Variants in SLC4A4 observed in about 807,000 individuals in gnomAD.
SLC4A4 encodes solute carrier family 4 member 4, also known as electrogenic sodium bicarbonate cotransporter 1.
A neutral mutation model predicts 111.5 loss-of-function variants in SLC4A4; 27 were observed. The observed-to-expected ratio is 0.24, with a 90% CI of 0.18 to 0.33. The LOEUF (loss-of-function observed/expected upper bound fraction) is 0.33, where lower values mean the gene tolerates loss of function less well. SLC4A4 is among the 10% of genes least tolerant of loss of function. The pLI is 1.00. For synonymous variants in SLC4A4, 443 were observed against 463.4 expected, an observed-to-expected ratio of 0.96 and a Z score of 0.57; for missense variants, 909 against 1,315.5, an observed-to-expected ratio of 0.69 and a Z score of 4.78.
chr4:71,469,339 T>G (rs1184051489), intron 13 of SLC4A4, among the ~76,000 whole-genome samples: 2 of 152,120 alleles, frequency 1.3e-5, no homozygotes, highest in East Asian at 1.9e-4. Context: ...AGCCTTCAAA[T>G]TTTTAATTCG....
intron 3 of SLC4A4, among the ~76,000 whole-genome samples, chr4:71,257,739 T>C (rs147718471): frequency 1.3e-5 from 2 of 152,170 alleles, no homozygotes; most frequent in Admixed American, 1.3e-4. Flanking sequence ...ATAGACAAGG[T>C]TCCCACATGT....
At chr4:71,084,208 A>G (rs1742080017) in intron 1 of SLC4A4, among the ~76,000 whole-genome samples, 1 of 152,040 alleles carries the variant, frequency 6.6e-6, no homozygotes, top group Non-Finnish European at 1.5e-5. Context: ...AACATCTTCT[A>G]AGAGCATTAT....
intron 2 of SLC4A4, among the ~76,000 whole-genome samples, chr4:71,175,707 C>T (rs1745070939): frequency 6.6e-6 from 1 of 152,226 alleles, no homozygotes; most frequent in South Asian, 2.1e-4. Context: ...GAGCCCACTG[C>T]AGCTCAAGGA....
intron 3 of SLC4A4, chr4:71,300,510 T>C (rs572310314): frequency 1.5e-4 from 38 of 249,488 alleles, no homozygotes; most frequent in Non-Finnish European, 2.0e-4. Context: ...CCAGGAGGCC[T>C]GGGCCGGGGC....
intron 15 of SLC4A4, among the ~76,000 whole-genome samples, chr4:71,491,753 A>G (rs143160749): frequency 2.2e-3 from 333 of 151,778 alleles, no homozygotes; most frequent in Non-Finnish European, 3.5e-3. Context: ...TTAATATTAG[A>G]AATGTTTTGA....
At chr4:71,175,592 G>A (rs4353869) in intron 2 of SLC4A4, among the ~76,000 whole-genome samples, 95,604 of 152,188 alleles carry the variant, frequency 0.63, 35,619 homozygotes, top group Non-Finnish European at 0.82. Flanking sequence ...TAGCACAGCA[G>A]TCTGAGATCA....
chr4:71,209,833 CTA>C (rs1485017659), intron 1 of SLC4A4, among the ~76,000 whole-genome samples: 2 of 152,086 alleles, frequency 1.3e-5, no homozygotes, highest in African/African-American at 2.4e-5. Flanking sequence ...TTTGGATTAA[CTA>C]TTATTTACAG....
At chr4:71,377,988 G>A (rs145453079) in intron 6 of SLC4A4, among the ~76,000 whole-genome samples, 88 of 152,206 alleles carry the variant, frequency 5.8e-4, no homozygotes, top group African/African-American at 2.0e-3. Context: ...TGAGGAATAA[G>A]CAAAAGCAGA....
chr4:71,132,495 C>T (rs1184841134), intron 2 of SLC4A4, among the ~76,000 whole-genome samples: 2 of 152,158 alleles, frequency 1.3e-5, no homozygotes, highest in Admixed American at 1.3e-4. Flanking sequence ...TGGATACTAC[C>T]TCCTGGACAA....
At chr4:71,562,191 C>T (rs1161115197) in intron 23 of SLC4A4, among the ~76,000 whole-genome samples, 7 of 151,770 alleles carry the variant, frequency 4.6e-5, no homozygotes, top group Non-Finnish European at 8.8e-5. Context: ...TTTTTTACCT[C>T]TTCCTCTTCA....
chr4:71,280,161 G>A (rs1456539194), intron 3 of SLC4A4, among the ~76,000 whole-genome samples: 1 of 152,178 alleles, frequency 6.6e-6, no homozygotes, highest in African/African-American at 2.4e-5. Flanking sequence ...GCATTTCCCT[G>A]ATGTTTAGTG....
intron 1 of SLC4A4, among the ~76,000 whole-genome samples, chr4:71,082,994 C>G (rs180770192): frequency 2.6e-5 from 4 of 152,008 alleles, no homozygotes; most frequent in African/African-American, 9.7e-5. Context: ...GCTGGGATTA[C>G]AGGCGCATGC....
intron 3 of SLC4A4, among the ~76,000 whole-genome samples, chr4:71,318,215 C>T (rs1258413801): frequency 6.6e-6 from 1 of 151,998 alleles, no homozygotes; most frequent in Non-Finnish European, 1.5e-5. Context: ...TTATTGTTCT[C>T]AAAGTCTTTG....
chr4:71,321,012 T>C (rs111779790), intron 3 of SLC4A4, among the ~76,000 whole-genome samples: 16 of 152,054 alleles, frequency 1.1e-4, no homozygotes, highest in African/African-American at 3.9e-4. Flanking sequence ...AGAAATGTTG[T>C]AGAGATAGAA....
At chr4:71,361,549 A>G (rs1730791294) in intron 6 of SLC4A4, among the ~76,000 whole-genome samples, 1 of 152,202 alleles carries the variant, frequency 6.6e-6, no homozygotes, top group Non-Finnish European at 1.5e-5. Flanking sequence ...AGGCATTTCT[A>G]TAATGTTGCA....
intron 2 of SLC4A4, among the ~76,000 whole-genome samples, chr4:71,102,565 T>G (rs1043161035): frequency 6.6e-6 from 1 of 152,136 alleles, no homozygotes; most frequent in Non-Finnish European, 1.5e-5. Context: ...GACTAACAGC[T>G]GATCTCTTGG....
At chr4:71,265,051 A>C (rs1190041405) in intron 3 of SLC4A4, among the ~76,000 whole-genome samples, 2 of 152,206 alleles carry the variant, frequency 1.3e-5, no homozygotes, top group African/African-American at 4.8e-5. Context: ...CTGACTTTGG[A>C]AATCTGTCTA....
intron 16 of SLC4A4, among the ~76,000 whole-genome samples, chr4:71,508,139 G>T (rs1168032356): frequency 6.6e-6 from 1 of 152,058 alleles, no homozygotes; most frequent in Non-Finnish European, 1.5e-5. Context: ...AAGCTAGAAA[G>T]ATCTCAAGTT....
At chr4:71,428,949 A>G (rs1443777591) in intron 7 of SLC4A4, among the ~76,000 whole-genome samples, 1 of 152,158 alleles carries the variant, frequency 6.6e-6, no homozygotes, top group African/African-American at 2.4e-5. Context: ...ACATTCTAGT[A>G]AATTAGATTT....
Sources: gnomAD v4.1 joint callset for allele counts (sites outside exome capture counted in the v4.1 genomes callset) on GRCh38, gnomAD v4.1.1 for gene constraint, MANE v1.5 for transcripts, NCBI Gene and HGNC (gene_info 2026-07-23, HGNC 2026-07-21) for gene names.